Variants in KIRREL3 observed in about 807,000 individuals in gnomAD.
KIRREL3 encodes the protein kirre like nephrin family adhesion molecule 3.
A neutral mutation model predicts 89.7 loss-of-function variants in KIRREL3; 36 were observed. The ratio of observed to expected loss-of-function variants is 0.40; its 90% CI spans 0.31 to 0.53. The LOEUF is 0.53. KIRREL3 is among the 20% of genes least tolerant of loss of function. The probability of loss-of-function intolerance (pLI) is 0.49; values close to 1 mark genes in which losing one functional copy is unlikely to be tolerated. For missense variants in KIRREL3, 864 were observed against 1,056.6 expected (o/e 0.82, Z 2.53); for synonymous variants, 445 against 441.4 (o/e 1.01, Z -0.10).
rs1481255910 is a variant in KIRREL3, at chr11:126,876,582, G to C, written c.55+123873C>G. On this transcript the variant is annotated intron_variant, in intron 1 of 16. Transcript: ENST00000525144. The surrounding 1 kb of genome is among the most constrained non-coding windows in gnomAD (Gnocchi z 4.1). ...AGATGGAGTCTTGCTCTGTCACCCA[G>C]GCTGGAGTGCAGCGGTGCGACCTTG... 2.0e-5 allele frequency among the ~76,000 whole-genome samples: 3 copies of C among 149,870 alleles called. No individual in the cohort carries two copies. The highest frequency in any genetic ancestry group is 4.4e-5 in the Non-Finnish European group (3 of 67,766).
intron 1 of KIRREL3, among the ~76,000 whole-genome samples, chr11:126,889,968 T>C (rs1313091646): frequency 6.6e-6 from 1 of 152,214 alleles, no homozygotes; most frequent in Admixed American, 6.5e-5. Flanking sequence ...TGGCAGCCAA[T>C]CATAGCCTCT....
rs1951247481 is a variant in KIRREL3 at position 126,807,707 on chromosome 11, A to T, written c.55+192748T>A. On this transcript the variant is annotated intron_variant, in intron 1 of 16. Coordinates refer to ENST00000525144, the MANE Select transcript of KIRREL3 (RefSeq NM_032531.4). This position sits in a 1 kb window ranked among gnomAD's most constrained non-coding sequence, Gnocchi z 4.3. ...CCTGGATTTTGAAAAATCGTCCTTT[A>T]ACCCATTTCTAGGAGGCTTCTGAGA... is the stretch of plus-strand genomic sequence containing the variant. Among the ~76,000 whole-genome samples, 1 of 152,104 alleles carries T rather than the reference A, an allele frequency of 6.6e-6. No homozygotes were observed. Among genetic ancestry groups the T allele is most frequent in the South Asian group, 2.1e-4 (1 of 4,810 alleles).
rs1945778047 is a variant in KIRREL3 at position 126,668,693 on chromosome 11, T to TTTC, written c.56-105782_56-105781insGAA. 7.9e-6 allele frequency among the ~76,000 whole-genome samples: 1 copy of TTTC among 126,596 alleles called. No homozygotes were observed. The highest frequency in any genetic ancestry group is 1.6e-5 in the Non-Finnish European group (1 of 60,696). 83.1% of individuals were successfully genotyped at this position (126,596 alleles called of 152,430 possible). Reference sequence around the variant, plus strand: ...TAAAGAGCTGTTGGGAAGTTTCTGTTTTTCTTTCTTTCTTTCTTTCTTTCT... The same window carrying TTTC: ...TAAAGAGCTGTTGGGAAGTTTCTGTTTTCTTTCTTTCTTTCTTTCTTTCTTTCT... On this transcript the variant is annotated intron_variant, in intron 1 of 16. Coordinates refer to ENST00000525144, the MANE Select transcript of KIRREL3 (RefSeq NM_032531.4). The surrounding 1 kb of genome is among the most constrained non-coding windows in gnomAD (Gnocchi z 4.4).
intron 7 of KIRREL3, among the ~76,000 whole-genome samples, chr11:126,450,389 GT>G (rs1436773926): frequency 4.0e-5 from 6 of 148,256 alleles, no homozygotes; most frequent in African/African-American, 1.6e-4. Flanking sequence ...ATGTGTGAGT[GT>G]GGGTATGTGT....
chr11:126,726,875 C>T (rs1306874950), intron 1 of KIRREL3, among the ~76,000 whole-genome samples: 1 of 152,222 alleles, frequency 6.6e-6, no homozygotes, highest in Non-Finnish European at 1.5e-5. Context: ...TCCTGCAAAA[C>T]TCCTATTCAT....
At chr11:126,560,047 T>C (rs1477935623) in intron 2 of KIRREL3, among the ~76,000 whole-genome samples, 1 of 152,174 alleles carries the variant, frequency 6.6e-6, no homozygotes, top group African/African-American at 2.4e-5. Flanking sequence ...ATTGGTATTA[T>C]TTTTATGGTA....
intron 4 of KIRREL3, among the ~76,000 whole-genome samples, chr11:126,507,958 G>C (rs1161997262): frequency 6.6e-6 from 1 of 152,184 alleles, no homozygotes; most frequent in Non-Finnish European, 1.5e-5. Flanking sequence ...TTTAAAATGA[G>C]TTCTCTCCAG....
chr11:126,712,595 G>A (rs537565422), intron 1 of KIRREL3, among the ~76,000 whole-genome samples: 2 of 152,336 alleles, frequency 1.3e-5, no homozygotes, highest in East Asian at 3.9e-4. Flanking sequence ...CTTTCCCTCA[G>A]AGGCAGGACG....
chr11:126,730,427 C>T (rs899950243), intron 1 of KIRREL3, among the ~76,000 whole-genome samples: 3 of 152,250 alleles, frequency 2.0e-5, no homozygotes, highest in African/African-American at 4.8e-5. Context: ...CAACCTGACT[C>T]CTACAGGTAT....
intron 1 of KIRREL3, among the ~76,000 whole-genome samples, chr11:126,841,797 T>C (rs1376259823): frequency 6.6e-6 from 1 of 152,246 alleles, no homozygotes; most frequent in Non-Finnish European, 1.5e-5. Context: ...AGTGGTCTTC[T>C]GAATCTCAAC....
chr11:126,726,490 C>T (rs1047355590), intron 1 of KIRREL3, among the ~76,000 whole-genome samples: 12 of 152,174 alleles, frequency 7.9e-5, no homozygotes, highest in African/African-American at 2.9e-4. Flanking sequence ...GCCTCAGCTT[C>T]CTGAGTAGCT....
intron 1 of KIRREL3, among the ~76,000 whole-genome samples, chr11:126,721,748 G>T (rs889076038): frequency 3.3e-5 from 5 of 152,148 alleles, no homozygotes; most frequent in African/African-American, 1.2e-4. Flanking sequence ...CTAGGGTCTG[G>T]CAAGGAGGCC....
chr11:126,835,713 T>A (rs1268744286), intron 1 of KIRREL3, among the ~76,000 whole-genome samples: 1 of 152,222 alleles, frequency 6.6e-6, no homozygotes, highest in Non-Finnish European at 1.5e-5. Context: ...AGTGTGGTGT[T>A]GTAAAGAATA....
At position 126,571,927 on chromosome 11, in the gene KIRREL3, T is replaced by C. The variant is rs151096185; in HGVS notation, c.56-9015A>G. On this transcript the variant is annotated intron_variant, in intron 1 of 16. Coordinates refer to ENST00000525144, the MANE Select transcript of KIRREL3 (RefSeq NM_032531.4). This position sits in a 1 kb window ranked among gnomAD's most constrained non-coding sequence, Gnocchi z 7.7. The stretch of plus-strand genomic sequence containing the variant: ...AATAGGATCATGAAGGCCATTCCTG[T>C]CCTCCAGTCTGTCTTCCACACACCC... Among the ~76,000 whole-genome samples the C allele has an allele frequency of 6.0e-4, 92 of 152,334 alleles. 1 individual carries two copies. The highest frequency in any genetic ancestry group is 2.0e-3 in the African/African-American group (85 of 41,574).
At chr11:126,973,851 C>T (rs1460099129) in intron 1 of KIRREL3, among the ~76,000 whole-genome samples, 1 of 152,146 alleles carries the variant, frequency 6.6e-6, no homozygotes, top group Non-Finnish European at 1.5e-5. Flanking sequence ...GTTGCTCCCA[C>T]TGTGCCAGGT....
At position 126,761,100 on chromosome 11, in the gene KIRREL3, G is replaced by C. The variant is rs148152231; in HGVS notation, c.56-198188C>G. On this transcript the variant is annotated intron_variant, in intron 1 of 16. Transcript: ENST00000525144. The surrounding 1 kb of genome is among the most constrained non-coding windows in gnomAD (Gnocchi z 4.4). ...GATATATGGAATGGGTGTGGAGGTG[G>C]CTCACTTCCTCCTGCCTGCTTCTTC... Among the ~76,000 whole-genome samples the C allele has an allele frequency of 0.011, 1,672 of 152,298 alleles. 27 individuals carry two copies. Among genetic ancestry groups the C allele is most frequent in the African/African-American group, 0.038 (1,584 of 41,556 alleles).
chr11:126,727,408 C>G (rs997356244), intron 1 of KIRREL3, among the ~76,000 whole-genome samples: 1 of 152,250 alleles, frequency 6.6e-6, no homozygotes, highest in African/African-American at 2.4e-5. Flanking sequence ...ACAGAGCTTA[C>G]AGATTTAAAC....
At position 126,768,265 on chromosome 11, in the gene KIRREL3, TCCATCCATCCATTCATCCATCCATC is replaced by T. The variant is rs1253051708; in HGVS notation, c.56-205378_56-205354del. On this transcript the variant is annotated intron_variant, in intron 1 of 16. Coordinates refer to ENST00000525144, the MANE Select transcript of KIRREL3 (RefSeq NM_032531.4). This position sits in a 1 kb window ranked among gnomAD's most constrained non-coding sequence, Gnocchi z 4.5. ...GTCCATCCATACATGCATCCACCCATCCATCCATCCATTCATCCATCCATCCATCCATCCATCCAATCTGTCCATC... is the reference window on the plus strand; with the variant it reads ...GTCCATCCATACATGCATCCACCCATCATCCATCCATCCAATCTGTCCATC... 2.0e-5 allele frequency among the ~76,000 whole-genome samples: 3 copies of T among 150,154 alleles called. No homozygotes were observed. Among genetic ancestry groups the T allele is most frequent in the African/African-American group, 7.5e-5 (3 of 39,812 alleles).
At chr11:126,930,999 G>C (rs1243253493) in intron 1 of KIRREL3, among the ~76,000 whole-genome samples, 1 of 152,174 alleles carries the variant, frequency 6.6e-6, no homozygotes, top group Non-Finnish European at 1.5e-5. Flanking sequence ...CCCTCTGCCA[G>C]AATTCCCCTA....
Sources: allele counts gnomAD v4.1 joint callset (sites outside exome capture counted in the v4.1 genomes callset), GRCh38; gene constraint gnomAD v4.1.1; non-coding constraint Gnocchi (gnomAD v3.1); transcripts MANE v1.5; gene names NCBI Gene and HGNC (gene_info 2026-07-23, HGNC 2026-07-21).